The following ABLIM2 variants were observed in gnomAD, a reference collection of about 807,000 sequenced individuals.
The protein encoded by ABLIM2 is actin binding LIM protein family member 2, also known as actin-binding LIM protein 2.
In ABLIM2, 53 loss-of-function variants were observed where a neutral mutation model predicts 97.7. That is an observed-to-expected ratio of 0.54 (90% CI 0.44 to 0.68). The LOEUF is 0.68. ABLIM2 is among the 30% of genes least tolerant of loss of function. The pLI, the probability that ABLIM2 is intolerant of heterozygous loss-of-function variation, is 0.00. For synonymous variants in ABLIM2, 361 were observed against 345.8 expected (o/e 1.04, Z -0.49); for missense variants, 835 against 867.2 (o/e 0.96, Z 0.47).
chr4:8,014,478 G>C (rs1767350303), intron 14 of ABLIM2, among the ~76,000 whole-genome samples: 1 of 152,232 alleles, frequency 6.6e-6, no homozygotes, highest in South Asian at 2.1e-4. Context: ...CAGAGGGAGG[G>C]AGAGAATGTG....
rs954975051 is a variant in ABLIM2, at chr4:8,072,506, C to T, written c.675+5122G>A. On this transcript the variant is annotated intron_variant, in intron 6 of 20. Coordinates refer to ENST00000447017, the MANE Select transcript of ABLIM2 (RefSeq NM_001130083.2). The surrounding 1 kb of genome is among the most constrained non-coding windows in gnomAD (Gnocchi z 5.8). Reference sequence around the variant, plus strand: ...CTCCTGCACCAGCAGCAGCAACAGCCGCAGCTGACTGCACCCAAGATACAC... The same window carrying T: ...CTCCTGCACCAGCAGCAGCAACAGCTGCAGCTGACTGCACCCAAGATACAC... Among the ~76,000 whole-genome samples, 6 of 152,226 alleles carry T rather than the reference C, an allele frequency of 3.9e-5. No homozygotes were observed. The highest frequency in any genetic ancestry group is 2.1e-4 in the South Asian group (1 of 4,830).
rs1215824959 is a variant in ABLIM2 at position 7,992,539 on chromosome 4, C to T, written c.1680+327G>A. On this transcript the variant is annotated intron_variant, in intron 17 of 20. Transcript: ENST00000447017. The surrounding 1 kb of genome is among the most constrained non-coding windows in gnomAD (Gnocchi z 5.7). ...TATCAGGCTCTGTGCCATAGGAGGA[C>T]GAAGACGGTTAGGAGGGGCATCTTG... Among the ~76,000 whole-genome samples, 38 of 152,068 alleles carry T rather than the reference C, an allele frequency of 2.5e-4. No individual in the cohort carries two copies. Among genetic ancestry groups the T allele is most frequent in the Admixed American group, 1.8e-3 (27 of 15,280 alleles).
intron 1 of ABLIM2, among the ~76,000 whole-genome samples, chr4:8,121,996 G>A (rs1050574510): frequency 6.6e-6 from 1 of 152,220 alleles, no homozygotes; most frequent in African/African-American, 2.4e-5. Flanking sequence ...GGGAGGAGCT[G>A]AGGGGCTGAG....
Position 8,071,981 on chromosome 4 carries a change from C to G in ABLIM2, c.675+5647G>C. ...GTGCCACCGCGGCGGCGGCAGCTCC[C>G]CTTCTGCGGAGCCAGGCTTGTCCCC... is the stretch of plus-strand genomic sequence containing the variant. On this transcript the variant is annotated intron_variant, in intron 6 of 20. Coordinates refer to ENST00000447017, the MANE Select transcript of ABLIM2 (RefSeq NM_001130083.2). The surrounding 1 kb of genome is among the most constrained non-coding windows in gnomAD (Gnocchi z 6.2). The G allele has an allele frequency of 7.1e-6, 7 of 985,518 alleles. No homozygotes were observed. The highest frequency in any genetic ancestry group is 8.4e-6 in the Non-Finnish European group (7 of 830,030). The allele number at this position is 985,518 out of a possible 1,614,324, so 61.0% of individuals were successfully genotyped here.
rs541948703 is a variant in ABLIM2, at chr4:8,122,526, C to T, written c.11-15889G>A. Among the ~76,000 whole-genome samples the T allele has an allele frequency of 2.2e-4, 33 of 152,282 alleles. No individual in the cohort carries two copies. Among genetic ancestry groups the T allele is most frequent in the South Asian group, 8.3e-4 (4 of 4,828 alleles). ...CTGTGTCCTCACAAGGCAGAGAGCG[C>T]GCTCTGGGCAGGAGTCCCATCATGA... On this transcript the variant is annotated intron_variant, in intron 1 of 20. Transcript: ENST00000447017. This position sits in a 1 kb window ranked among gnomAD's most constrained non-coding sequence, Gnocchi z 4.1.
Position 8,148,946 on chromosome 4 carries a change from G to C in ABLIM2, c.10+9734C>G, listed in dbSNP as rs934298434. Among the ~76,000 whole-genome samples, 3 of 152,230 alleles carry C rather than the reference G, an allele frequency of 2.0e-5. No individual in the cohort carries two copies. Among genetic ancestry groups the C allele is most frequent in the African/African-American group, 7.2e-5 (3 of 41,464 alleles). ...CAGGACCCGGGATCTGGAGGCACCA[G>C]GGAGAGTCCAGCTGTGCCAAGGCCC... is the stretch of plus-strand genomic sequence containing the variant. On this transcript the variant is annotated intron_variant, in intron 1 of 20. Transcript: ENST00000447017. This position sits in a 1 kb window ranked among gnomAD's most constrained non-coding sequence, Gnocchi z 6.7.
intron 4 of ABLIM2, among the ~76,000 whole-genome samples, chr4:8,081,981 G>A (rs370182351): frequency 2.6e-5 from 4 of 152,190 alleles, no homozygotes; most frequent in Non-Finnish European, 5.9e-5. Flanking sequence ...GTGTCTGCAT[G>A]TGCGAATATG....
At position 8,015,567 on chromosome 4, in the gene ABLIM2, G is replaced by A. The variant is rs116132252; in HGVS notation, c.1423+4051C>T. Among the ~76,000 whole-genome samples, 500 of 152,322 alleles carry A rather than the reference G, an allele frequency of 3.3e-3. 2 individuals carry two copies. The highest frequency in any genetic ancestry group is 0.012 in the African/African-American group (483 of 41,560). On this transcript the variant is annotated intron_variant, in intron 14 of 20. Transcript: ENST00000447017. This position sits in a 1 kb window ranked among gnomAD's most constrained non-coding sequence, Gnocchi z 4.6. ...GAATCCCAGAGACACAGCAAGGAGT[G>A]ATTAATTCCTGCTTTAAACCAGGGC...
chr4:8,036,447 G>T (rs974469290), intron 9 of ABLIM2, among the ~76,000 whole-genome samples, 152 bp from the exon 10 acceptor site: 1 of 127,914 alleles, frequency 7.8e-6, no homozygotes, highest in African/African-American at 3.4e-5. Context: ...GCATCCCACA[G>T]GACAGTGCCC....
At chr4:8,040,128 C>T (rs1459596694) in intron 9 of ABLIM2, among the ~76,000 whole-genome samples, 2 of 152,148 alleles carry the variant, frequency 1.3e-5, no homozygotes, top group African/African-American at 4.8e-5. Context: ...CCGGTCTCTT[C>T]CTCACGGTGA....
At chr4:8,042,747 G>A (rs192147140) in intron 9 of ABLIM2, among the ~76,000 whole-genome samples, 147 of 150,932 alleles carry the variant, frequency 9.7e-4, no homozygotes, top group African/African-American at 3.3e-3. Context: ...GCTGAGGCAG[G>A]AGAATCGCTT....
chr4:8,090,149 C>T (rs759761369), intron 3 of ABLIM2, among the ~76,000 whole-genome samples: 110 of 152,326 alleles, frequency 7.2e-4, no homozygotes, highest in Non-Finnish European at 9.4e-4. Context: ...GGAGCCTGCA[C>T]GGCTCTCCCA....
At chr4:8,076,501 C>T (rs1816096015) in intron 6 of ABLIM2, among the ~76,000 whole-genome samples, 5 of 152,108 alleles carry the variant, frequency 3.3e-5, no homozygotes, top group Admixed American at 3.3e-4. Context: ...TTCCTCAGTG[C>T]CCCTCCCTAC....
intron 1 of ABLIM2, among the ~76,000 whole-genome samples, chr4:8,111,446 G>C (rs1341827340): frequency 6.6e-6 from 1 of 152,184 alleles, no homozygotes; most frequent in Non-Finnish European, 1.5e-5. Context: ...ATAACACTAA[G>C]AGTGGCCCCC....
rs1212019399 is a variant in ABLIM2, at chr4:8,004,230, G to T, written c.1618+3829C>A. ...AGACAAGCACCTCCCACCAGACATG[G>T]GACTCCGCCCGGTCCCACAGCGAGA... is the stretch of plus-strand genomic sequence containing the variant. On this transcript the variant is annotated intron_variant, in intron 16 of 20. Transcript: ENST00000447017. The surrounding 1 kb of genome is among the most constrained non-coding windows in gnomAD (Gnocchi z 5.9). Among the ~76,000 whole-genome samples the T allele has an allele frequency of 6.6e-6, 1 of 151,832 alleles. No individual in the cohort carries two copies. Among genetic ancestry groups the T allele is most frequent in the African/African-American group, 2.4e-5 (1 of 41,334 alleles).
intron 1 of ABLIM2, among the ~76,000 whole-genome samples, chr4:8,134,464 GC>G (rs900911071): frequency 6.6e-6 from 1 of 152,156 alleles, no homozygotes; most frequent in African/African-American, 2.4e-5. Flanking sequence ...GCTCGGCCCA[GC>G]CCCCGTCGGC....
chr4:8,012,783 C>T (rs116020889), intron 14 of ABLIM2, among the ~76,000 whole-genome samples: 1,901 of 151,902 alleles, frequency 0.013, 27 homozygotes, highest in African/African-American at 0.042. Context: ...CCCACACTCA[C>T]GCATCCATCT....
chr4:8,110,979 C>T (rs71603913), intron 1 of ABLIM2, among the ~76,000 whole-genome samples: 17,949 of 152,254 alleles, frequency 0.12, 1,321 homozygotes, highest in South Asian at 0.26. Flanking sequence ...ATTGTGAGGA[C>T]GGCTAGGGGG....
At chr4:8,009,522 G>A (rs929889570) in intron 14 of ABLIM2, among the ~76,000 whole-genome samples, 3 of 152,074 alleles carry the variant, frequency 2.0e-5, no homozygotes, top group South Asian at 2.1e-4. Context: ...TCAGCCACCC[G>A]GTAGCTGGGA....
Sources: allele counts gnomAD v4.1 joint callset (sites outside exome capture counted in the v4.1 genomes callset), GRCh38; gene constraint gnomAD v4.1.1; non-coding constraint Gnocchi (gnomAD v3.1); transcripts MANE v1.5; gene names NCBI Gene and HGNC (gene_info 2026-07-23, HGNC 2026-07-21).